Variants in SERINC5 observed in about 807,000 individuals in gnomAD.
SERINC5 encodes chromosome 5 open reading frame 12.
In SERINC5, 41 loss-of-function variants were observed where a neutral mutation model predicts 63.1. The observed-to-expected ratio is 0.65, with a 90% confidence interval of 0.51 to 0.84. The LOEUF (loss-of-function observed/expected upper bound fraction) is 0.84. Ranked by LOEUF, SERINC5 falls within the 40% of genes least tolerant of loss-of-function variation. The probability of loss-of-function intolerance (pLI) is 0.00; values close to 1 mark genes in which losing one functional copy is unlikely to be tolerated. For synonymous variants in SERINC5, 222 were observed against 215.2 expected, an observed-to-expected ratio of 1.03 and a Z score of -0.28; for missense variants, 523 against 573.0, an observed-to-expected ratio of 0.91 and a Z score of 0.89.
chr5:80,140,491 CTCTA>C lies in SERINC5; in HGVS notation c.*3168_*3171del. The C allele has an allele frequency of 1.0e-6, 1 of 983,810 alleles. No homozygotes were observed. Among genetic ancestry groups the C allele is most frequent in the East Asian group, 1.1e-4 (1 of 8,768 alleles). 60.9% of individuals were successfully genotyped at this position (983,810 alleles called of 1,614,324 possible). A position where few individuals can be genotyped will look rare whatever the true frequency, so the allele number is the denominator to read the frequency against. The stretch of plus-strand genomic sequence containing the variant: ...CCACCCTCCCCACAACCCACCCCCA[CTCTA>C]TCTCCCCTTCAAAGAGGCTCCAAAT... On this transcript the variant is annotated 3_prime_UTR_variant, in exon 12 of 12. Coordinates refer to ENST00000507668, the MANE Select transcript of SERINC5 (RefSeq NM_001174072.3).
chr5:80,206,446 C>G (rs1750167063), intron 1 of SERINC5, among the ~76,000 whole-genome samples: 1 of 152,204 alleles, frequency 6.6e-6, no homozygotes, highest in Admixed American at 6.5e-5. Flanking sequence ...TTCATCACTA[C>G]AAATTTTTCC....
At chr5:80,174,706 C>T (rs921573667) in intron 5 of SERINC5, among the ~76,000 whole-genome samples, 9 of 152,070 alleles carry the variant, frequency 5.9e-5, no homozygotes, top group African/African-American at 2.2e-4. Flanking sequence ...GATCGAGACC[C>T]GTACGAGCAG....
At chr5:80,182,119 T>C (rs1211257410) in intron 2 of SERINC5, among the ~76,000 whole-genome samples, 1 of 152,176 alleles carries the variant, frequency 6.6e-6, no homozygotes, top group Admixed American at 6.5e-5. Context: ...AATGAGTGGA[T>C]GAGAAGTACT....
chr5:80,233,259 C>A (rs1271650395), intron 1 of SERINC5, among the ~76,000 whole-genome samples: 1 of 152,092 alleles, frequency 6.6e-6, no homozygotes, highest in Admixed American at 6.6e-5. Context: ...AACCCTATCT[C>A]TACTAAAAAT....
In SERINC5 at chr5:80,141,846, C is replaced by A; in HGVS notation, c.*1817G>T. ...ACAAAACAAGGCTCTCTAAACCACA[C>A]ACACAGATGGAGTGCCTTTTGAAAC... On this transcript the variant is annotated 3_prime_UTR_variant, in exon 12 of 12. Transcript: ENST00000507668. The A allele has an allele frequency of 1.0e-6, 1 of 985,388 alleles. No homozygotes were observed. Among genetic ancestry groups the A allele is most frequent in the Non-Finnish European group, 1.2e-6 (1 of 829,882 alleles). The allele number at this position is 985,388 out of a possible 1,614,324, so 61.0% of individuals were successfully genotyped here. A position where few individuals can be genotyped will look rare whatever the true frequency, so the allele number is the denominator to read the frequency against.
At chr5:80,231,079 G>A (rs974966998) in intron 1 of SERINC5, among the ~76,000 whole-genome samples, 14 of 152,128 alleles carry the variant, frequency 9.2e-5, no homozygotes, top group African/African-American at 3.4e-4. Flanking sequence ...TGGGATTACA[G>A]GTGTGAGCCA....
intron 2 of SERINC5, chr5:80,198,512 G>A (rs200128513): frequency 5.3e-5 from 52 of 985,146 alleles, no homozygotes; most frequent in Non-Finnish European, 6.1e-5. Context: ...AGACCCACGC[G>A]ACTCTGGCAG....
intron 4 of SERINC5, among the ~76,000 whole-genome samples, chr5:80,176,104 G>A (rs572426305): frequency 7.9e-5 from 12 of 151,960 alleles, no homozygotes; most frequent in Non-Finnish European, 8.8e-5. Flanking sequence ...GCTTGAACCC[G>A]TGAGGCAGAG....
intron 10 of SERINC5, among the ~76,000 whole-genome samples, chr5:80,146,563 C>G (rs965279129): frequency 6.6e-6 from 1 of 152,172 alleles, no homozygotes; most frequent in African/African-American, 2.4e-5. Flanking sequence ...AGCGATTCTC[C>G]TGCCTCAGCC....
intron 2 of SERINC5, among the ~76,000 whole-genome samples, chr5:80,201,792 C>T (rs763535441): frequency 1.3e-5 from 2 of 152,168 alleles, no homozygotes; most frequent in Non-Finnish European, 2.9e-5. Flanking sequence ...AAAAATCCAC[C>T]CCTCACCCAT....
At chr5:80,249,335 C>CAA (rs1752299349) in intron 1 of SERINC5, among the ~76,000 whole-genome samples, 1 of 150,780 alleles carries the variant, frequency 6.6e-6, no homozygotes, top group Non-Finnish European at 1.5e-5. Context: ...AAGAAACCAT[C>CAA]AAGTTTGAAG....
intron 1 of SERINC5, among the ~76,000 whole-genome samples, chr5:80,240,050 A>G (rs1422240086): frequency 6.6e-6 from 1 of 152,210 alleles, no homozygotes; most frequent in African/African-American, 2.4e-5. Flanking sequence ...ACTTACTTTG[A>G]AAACACAAAA....
At chr5:80,253,710 A>C (rs1337398920) in intron 1 of SERINC5, among the ~76,000 whole-genome samples, 1 of 152,038 alleles carries the variant, frequency 6.6e-6, no homozygotes, top group Non-Finnish European at 1.5e-5. Context: ...ACCCTCCTCA[A>C]GGCTGCTTAC....
Position 80,239,867 on chromosome 5 carries a change from C to T in SERINC5, c.27+16029G>A, listed in dbSNP as rs914848118. 3.3e-5 allele frequency among the ~76,000 whole-genome samples: 5 copies of T among 152,016 alleles called. No individual in the cohort carries two copies. The South Asian group carries it at 1.0e-3, about 32-fold the overall frequency. On this transcript the variant is annotated intron_variant, in intron 1 of 11. Coordinates refer to ENST00000507668, the MANE Select transcript of SERINC5 (RefSeq NM_001174072.3). Reference sequence around the variant, plus strand: ...GTTTGTTTATTATGGTACAAGAAATCGAGCACAATTGGGTCAGAAGAACAG... The same window carrying T: ...GTTTGTTTATTATGGTACAAGAAATTGAGCACAATTGGGTCAGAAGAACAG...
chr5:80,207,060 A>G (rs752913351), intron 1 of SERINC5, among the ~76,000 whole-genome samples: 5 of 151,886 alleles, frequency 3.3e-5, no homozygotes, highest in Non-Finnish European at 7.4e-5. Context: ...GTGCAGTGGC[A>G]CGATCTTGGC....
intron 11 of SERINC5, among the ~76,000 whole-genome samples, chr5:80,116,859 TGCTCTCTC>T (rs1248376599): frequency 6.6e-6 from 1 of 151,500 alleles, no homozygotes; most frequent in Non-Finnish European, 1.5e-5. Flanking sequence ...GACGGGGTCT[TGCTCTCTC>T]GCCCAGGCTG....
intron 8 of SERINC5, among the ~76,000 whole-genome samples, chr5:80,152,757 A>C (rs376146892): frequency 4.4e-4 from 66 of 151,256 alleles, no homozygotes; most frequent in African/African-American, 1.4e-3. Flanking sequence ...CCTGGCCAAC[A>C]TGGCAAAACC....
At chr5:80,112,678 A>T (rs1442972188) in intron 12 of SERINC5, among the ~76,000 whole-genome samples, 10 of 152,110 alleles carry the variant, frequency 6.6e-5, no homozygotes. Flanking sequence ...CGGGTGCAAT[A>T]GCCCGCGCCT....
intron 1 of SERINC5, among the ~76,000 whole-genome samples, chr5:80,232,250 A>C (rs10063859): frequency 0.16 from 23,933 of 150,682 alleles, 2,274 homozygotes; most frequent in Middle Eastern, 0.22. Flanking sequence ...TAAAAATACA[A>C]AAAAAAAGCC....
Sources: gnomAD v4.1 joint callset for allele counts (sites outside exome capture counted in the v4.1 genomes callset) on GRCh38, gnomAD v4.1.1 for gene constraint, MANE v1.5 for transcripts, NCBI Gene and HGNC (gene_info 2026-07-23, HGNC 2026-07-21) for gene names.